The following ZMYM6 variants were observed in gnomAD, a reference collection of about 807,000 sequenced individuals.
ZMYM6 encodes the protein zinc finger MYM-type containing 6.
ZMYM6 carries 90 observed loss-of-function variants against 134.0 expected under a neutral mutation model. The observed-to-expected ratio is 0.67, with a 90% CI of 0.57 to 0.80. The LOEUF (loss-of-function observed/expected upper bound fraction) is 0.80, where lower values mean the gene tolerates loss of function less well. ZMYM6 is among the 30% of genes least tolerant of loss of function. The pLI is 0.00. For synonymous variants in ZMYM6, 481 were observed against 524.1 expected, an observed-to-expected ratio of 0.92 and a Z score of 1.12; for missense variants, 1,362 against 1,533.9, an observed-to-expected ratio of 0.89 and a Z score of 1.87.
chr1:35,015,098 A>C lies in ZMYM6; in HGVS notation c.493T>G (p.Phe165Val). The part of the protein sequence containing the change: ...RFENSYPSKD[F>V]CSQSCLSSYE... ...GATGACAAGCATGATTGGCTGCAGAAATCTTTGCTAGGATAGGAATTCTCA... is the reference window on the plus strand; with the variant it reads ...GATGACAAGCATGATTGGCTGCAGACATCTTTGCTAGGATAGGAATTCTCA... Residue 165 changes from phenylalanine to valine, a missense_variant, in exon 5 of 16, where the codon TTC (phenylalanine) becomes GTC (valine). Transcript: ENST00000357182. 6.2e-7 allele frequency: 1 copy of C among 1,613,946 alleles called. No homozygotes were observed. The highest frequency in any genetic ancestry group is 8.5e-7 in the Non-Finnish European group (1 of 1,179,948).
chr1:35,009,094 C>CTTTTATTTTA (rs920180009), intron 10 of ZMYM6, among the ~76,000 whole-genome samples, 170 bp from the exon 11 acceptor site: 14 of 152,170 alleles, frequency 9.2e-5, no homozygotes, highest in Admixed American at 8.5e-4. Context: ...CTCATACCAC[C>CTTTTATTTTA]TTTTATTTTA....
At chr1:35,003,916 G>T in intron 14 of ZMYM6, 52 bp downstream of exon 14, 2 of 1,524,676 alleles carry the variant, frequency 1.3e-6, no homozygotes, top group South Asian at 2.3e-5. Context: ...TATCCAAAGT[G>T]AAAATAAGCC....
Position 34,995,262 on chromosome 1 carries a change from T to C in ZMYM6, c.1993-2875A>G, listed in dbSNP as rs1171904340. 2.0e-5 allele frequency among the ~76,000 whole-genome samples: 3 copies of C among 149,048 alleles called. No homozygotes were observed. The East Asian group carries it at 5.9e-4, about 29-fold the overall frequency. ...GTATATATGTATATAGGGTTTGGTA[T>C]GATTCATGGTTTCAGGCAACCACTG... On this transcript the variant is annotated intron_variant, in intron 14 of 15. Coordinates refer to ENST00000357182, the MANE Select transcript of ZMYM6 (RefSeq NM_007167.4).
In ZMYM6 at chr1:35,031,863, T is replaced by G. The variant is rs558954855; in HGVS notation, c.-123A>C. 1 of 152,490 alleles carries G rather than the reference T, an allele frequency of 6.6e-6. No homozygotes were observed. The highest frequency in any genetic ancestry group is 1.9e-4 in the East Asian group (1 of 5,190). The allele number at this position is 152,490 out of a possible 1,614,324, so 9.4% of individuals were successfully genotyped here. On this transcript the variant is annotated 5_prime_UTR_variant, in exon 1 of 16. Transcript: ENST00000357182. The stretch of plus-strand genomic sequence containing the variant: ...GAGGAGCACTGGAATAGGAACCAAG[T>G]CCTCTGCATCTAGACAGGGATTATT...
At chr1:35,018,952 T>C (rs529445289) in intron 4 of ZMYM6, 2 of 230,438 alleles carry the variant, frequency 8.7e-6, no homozygotes, top group East Asian at 2.0e-4. Context: ...TGCGACCATG[T>C]AGAGTTTTTA....
At chr1:35,008,158 T>C (rs560843954) in intron 11 of ZMYM6, among the ~76,000 whole-genome samples, 137 of 152,176 alleles carry the variant, frequency 9.0e-4, no homozygotes, top group Non-Finnish European at 1.7e-3. Flanking sequence ...ACCTACCAGC[T>C]TCCTCAAGAG....
chr1:35,013,190 T>C, intron 6 of ZMYM6: 1 of 712,142 alleles, frequency 1.4e-6, no homozygotes, highest in Non-Finnish European at 1.7e-6. Context: ...GAAATTTATA[T>C]ATAGTGTATC....
intron 2 of ZMYM6, among the ~76,000 whole-genome samples, chr1:35,024,461 CA>C (rs1641368762): frequency 6.6e-6 from 1 of 152,126 alleles, no homozygotes; most frequent in South Asian, 2.1e-4. Context: ...CAACAGACCT[CA>C]AACTGCACTT....
chr1:35,008,627 A>G, intron 11 of ZMYM6, 125 bp downstream of exon 11: 2 of 862,966 alleles, frequency 2.3e-6, no homozygotes, highest in South Asian at 2.3e-5. Context: ...TTTCTATTAT[A>G]GCCCATAACT....
intron 14 of ZMYM6, 67 bp downstream of exon 14, chr1:35,003,901 T>C (rs759548497): frequency 1.4e-6 from 2 of 1,379,420 alleles, no homozygotes; most frequent in Admixed American, 3.5e-5. Flanking sequence ...TATATTAGAA[T>C]GCCATATCCA....
chr1:34,987,336 T>A lies in ZMYM6; in HGVS notation c.3746A>T (p.Lys1249Ile). The A allele has an allele frequency of 6.2e-7, 1 of 1,613,606 alleles. No homozygotes were observed. Among genetic ancestry groups the A allele is most frequent in the Non-Finnish European group, 8.5e-7 (1 of 1,179,828 alleles). Reference protein sequence around the residue: ...SSDLGLQALFKSVSVTQFWIN... With the variant: ...SSDLGLQALFISVSVTQFWIN... ...CCAAAACTGAGTTACAGACACTGAT[T>A]TAAATAGTGCTTGTAATCCTAAATC... The change falls in exon 16 of 16, where the codon AAA becomes ATA. Residue 1249 changes from lysine (K) to isoleucine (I), a missense_variant. Physicochemically the swap from Lys to Ile is moderately radical, Grantham distance 102. Transcript: ENST00000357182.
chr1:35,027,159 C>T (rs372689638), intron 2 of ZMYM6, among the ~76,000 whole-genome samples: 1 of 152,056 alleles, frequency 6.6e-6, no homozygotes, highest in Non-Finnish European at 1.5e-5. Context: ...AAAATGCAAC[C>T]GAGTTTTAGA....
intron 3 of ZMYM6, 138 bp from the exon 4 acceptor site, chr1:35,019,740 AAG>A: frequency 7.5e-6 from 8 of 1,066,850 alleles, no homozygotes; most frequent in Non-Finnish European, 1.0e-5. Flanking sequence ...TGGTGCAATC[AAG>A]GCTCACTGAA....
intron 14 of ZMYM6, 185 bp downstream of exon 14, chr1:35,003,783 C>A: frequency 1.8e-6 from 1 of 549,494 alleles, no homozygotes; most frequent in Non-Finnish European, 3.3e-6. Flanking sequence ...ACAGTAATTG[C>A]TGCCGAAATA....
chr1:35,022,565 G>A (rs1319480094), intron 2 of ZMYM6, among the ~76,000 whole-genome samples: 1 of 151,976 alleles, frequency 6.6e-6, no homozygotes, highest in Non-Finnish European at 1.5e-5. Flanking sequence ...CACCCAGCCA[G>A]TCTCTCTGTT....
chr1:34,987,287 T>G lies in ZMYM6; in HGVS notation c.3795A>C (p.Pro1265=). 2 of 1,612,686 alleles carry G rather than the reference T, an allele frequency of 1.2e-6. No individual in the cohort carries two copies. Among genetic ancestry groups the G allele is most frequent in the Non-Finnish European group, 1.7e-6 (2 of 1,179,426 alleles). Residue 1265 remains proline (P), a synonymous_variant, in exon 16 of 16, where the codon CCA becomes CCC. Coordinates refer to ENST00000357182, the MANE Select transcript of ZMYM6 (RefSeq NM_007167.4). ...QFWINAKTSY[P]ELHERAMKFL... is the part of the protein sequence containing the mutation. ...ATTTCATTGCCCTTTCATGGAGTTC[T>G]GGGTAACTTGTCTTTGCATTTATCC...
chr1:35,025,596 G>A (rs1434940812), intron 2 of ZMYM6, among the ~76,000 whole-genome samples: 4 of 151,824 alleles, frequency 2.6e-5, no homozygotes, highest in Admixed American at 2.6e-4. Context: ...TTCTCACAAG[G>A]CACAGTCACT....
intron 12 of ZMYM6, among the ~76,000 whole-genome samples, chr1:35,006,038 C>T (rs892436306): frequency 3.3e-5 from 5 of 151,936 alleles, no homozygotes; most frequent in Non-Finnish European, 7.4e-5. Flanking sequence ...GAGAGAATAT[C>T]GTTCTGTAGC....
At chr1:35,005,482 C>G (rs1239780590) in intron 12 of ZMYM6, among the ~76,000 whole-genome samples, 1 of 151,764 alleles carries the variant, frequency 6.6e-6, no homozygotes, top group African/African-American at 2.4e-5. Context: ...AGTCATAAAC[C>G]TCAAATGACA....
Sources: allele counts gnomAD v4.1 joint callset (sites outside exome capture counted in the v4.1 genomes callset), GRCh38; gene constraint gnomAD v4.1.1; transcripts MANE v1.5; gene names NCBI Gene and HGNC (gene_info 2026-07-23, HGNC 2026-07-21).